The following NFS1 variants were observed in gnomAD, a reference collection of about 807,000 sequenced individuals.
NFS1 encodes cysteine desulfurase.
A neutral mutation model predicts 57.3 loss-of-function variants in NFS1; 26 were observed. The ratio of observed to expected loss-of-function variants is 0.45; its 90% confidence interval spans 0.33 to 0.63. NFS1 has a LOEUF of 0.63. Ranked by LOEUF, NFS1 falls within the 20% of genes least tolerant of loss-of-function variation. The pLI, the probability that NFS1 is intolerant of heterozygous loss-of-function variation, is 0.02. For missense variants in NFS1, 505 were observed against 605.8 expected (o/e 0.83, Z 1.75); for synonymous variants, 209 against 216.3 (o/e 0.97, Z 0.30).
intron 7 of NFS1, among the ~76,000 whole-genome samples, chr20:35,678,548 A>AAG (rs1270491821): frequency 6.8e-6 from 1 of 147,922 alleles, no homozygotes. Flanking sequence ...AAAAAAAAAA[A>AAG]TTAGCCAGGC....
intron 12 of NFS1, among the ~76,000 whole-genome samples, chr20:35,670,997 GA>G (rs2034643633): frequency 6.6e-6 from 1 of 152,286 alleles, no homozygotes; most frequent in African/African-American, 2.4e-5. Context: ...GCCAGGCTCT[GA>G]AAAAATCTAG....
In NFS1 at chr20:35,673,602, T is replaced by C; in HGVS notation, c.1219A>G (p.Arg407Gly). 1 of 1,613,158 alleles carries C rather than the reference T, an allele frequency of 6.2e-7. No individual in the cohort carries two copies. The highest frequency in any genetic ancestry group is 8.5e-7 in the Non-Finnish European group (1 of 1,179,224). The part of the protein sequence containing the change: ...TDEDLAHSSI[R>G]FGIGRFTTEE... Reference sequence around the variant, plus strand: ...AATGTTGCAGCTCAACTCACTGACCTGATAGAAGAGTGCGCTAAATCCTCA... The same window carrying C: ...AATGTTGCAGCTCAACTCACTGACCCGATAGAAGAGTGCGCTAAATCCTCA... Residue 407 changes from arginine to glycine, a missense_variant and splice_region_variant, in exon 11 of 13, where the codon AGG (arginine) becomes GGG (glycine). Physicochemically the swap from Arg to Gly is moderately radical, Grantham distance 125. Transcript: ENST00000374092.
chr20:35,673,546 A>C, intron 11 of NFS1, 55 bp downstream of exon 11: 1 of 1,445,904 alleles, frequency 6.9e-7, no homozygotes, highest in Non-Finnish European at 9.7e-7. Flanking sequence ...CTGTAACAGG[A>C]GATGAAAAAT....
rs138027059 is a variant in NFS1 at position 35,676,667 on chromosome 20, A to C, written c.791-1465T>G. On this transcript the variant is annotated intron_variant, in intron 7 of 12. Coordinates refer to ENST00000374092, the MANE Select transcript of NFS1 (RefSeq NM_021100.5). Reference sequence around the variant, plus strand: ...ATGCTATCATCTGGATAAAAAAGAAAGCTGGAGGAGAAGTATATATTTGTT... The same window carrying C: ...ATGCTATCATCTGGATAAAAAAGAACGCTGGAGGAGAAGTATATATTTGTT... Among the ~76,000 whole-genome samples, 1,381 of 151,064 alleles carry C rather than the reference A, an allele frequency of 9.1e-3. 25 individuals carry two copies. Among genetic ancestry groups the C allele is most frequent in the African/African-American group, 0.032 (1,323 of 41,196 alleles).
At position 35,698,795 on chromosome 20, in the gene NFS1, G is replaced by C. The variant is rs1207457810; in HGVS notation, c.98-205C>G. 4.3e-6 allele frequency: 6 copies of C among 1,388,902 alleles called. No individual in the cohort carries two copies. In the South Asian group the frequency reaches 5.0e-5, roughly 12 times the overall value. The allele number at this position is 1,388,902 out of a possible 1,614,324, so 86.0% of individuals were successfully genotyped here. The stretch of plus-strand genomic sequence containing the variant: ...GGAGAGGGAGAGAGGGTTCCTGGAG[G>C]GGGTGTTGAGTTGATATTCAAATGG... On this transcript the variant is annotated intron_variant, in intron 1 of 12. Transcript: ENST00000374092.
chr20:35,673,820 G>T, intron 10 of NFS1, 136 bp from the exon 11 acceptor site: 1 of 624,858 alleles, frequency 1.6e-6, no homozygotes. Flanking sequence ...TAATCTGGCA[G>T]AACTAAAGGA....
At chr20:35,690,385 T>C in intron 5 of NFS1, 28 bp downstream of exon 5, 1 of 1,602,584 alleles carries the variant, frequency 6.2e-7, no homozygotes. Flanking sequence ...CCTCCATTTT[T>C]GCTCCTCCTG....
At chr20:35,679,344 C>T (rs958196063) in intron 7 of NFS1, among the ~76,000 whole-genome samples, 4 of 152,022 alleles carry the variant, frequency 2.6e-5, no homozygotes, top group Admixed American at 6.6e-5. Context: ...CCACCACACC[C>T]GGCTAATTTT....
At chr20:35,674,218 G>C in intron 10 of NFS1, 132 bp downstream of exon 10, 4 of 761,164 alleles carry the variant, frequency 5.3e-6, no homozygotes, top group Non-Finnish European at 9.1e-6. Context: ...AAAAAGAGAG[G>C]CACTTACAAA....
chr20:35,687,508 A>G (rs1427323102), intron 5 of NFS1, among the ~76,000 whole-genome samples: 1 of 151,866 alleles, frequency 6.6e-6, no homozygotes, highest in Non-Finnish European at 1.5e-5. Context: ...CTTACCTATC[A>G]TTAGAGATGG....
At chr20:35,669,972 T>A (rs1288975987) in intron 12 of NFS1, among the ~76,000 whole-genome samples, 1 of 152,210 alleles carries the variant, frequency 6.6e-6, no homozygotes, top group East Asian at 1.9e-4. Context: ...AACATGGTCA[T>A]ATTCTTGAAG....
Position 35,680,766 on chromosome 20 carries a change from A to G in NFS1, c.761T>C (p.Ile254Thr), listed in dbSNP as rs2034834366. Residue 254 changes from isoleucine (I) to threonine (T), a missense_variant, in exon 7 of 13, where the codon ATT (isoleucine) becomes ACT (threonine). Transcript: ENST00000374092. The stretch of plus-strand genomic sequence containing the variant: ...GGGACCGTAGATTTTGTGACCACTA[A>G]TGCTCATGAGATCAATTTTCATGTC... ...VNDMKIDLMS[I>T]SGHKIYGPKG... 1.3e-6 allele frequency: 2 copies of G among 1,569,724 alleles called. No homozygotes were observed. The highest frequency in any genetic ancestry group is 4.9e-5 in the East Asian group (2 of 41,060).
At chr20:35,696,212 G>A (rs1186405663) in intron 4 of NFS1, among the ~76,000 whole-genome samples, 165 bp downstream of exon 4, 1 of 152,162 alleles carries the variant, frequency 6.6e-6, no homozygotes, top group African/African-American at 2.4e-5. Context: ...AGAGTAGACT[G>A]CAAAGGGTTA....
rs2034834300 is a variant in NFS1, at chr20:35,680,765, A to G, written c.762T>C (p.Ile254=). ...TGGGACCGTAGATTTTGTGACCACT[A>G]ATGCTCATGAGATCAATTTTCATGT... ...VNDMKIDLMS[I]SGHKIYGPKG... The change falls in exon 7 of 13, where the codon ATT becomes ATC. Residue 254 remains isoleucine, a synonymous_variant. Coordinates refer to ENST00000374092, the MANE Select transcript of NFS1 (RefSeq NM_021100.5). 3 of 1,567,032 alleles carry G rather than the reference A, an allele frequency of 1.9e-6. No individual in the cohort carries two copies. Among genetic ancestry groups the G allele is most frequent in the Non-Finnish European group, 2.6e-6 (3 of 1,158,072 alleles).
At chr20:35,689,826 T>G (rs2035011698) in intron 5 of NFS1, among the ~76,000 whole-genome samples, 1 of 146,036 alleles carries the variant, frequency 6.8e-6, no homozygotes, top group Non-Finnish European at 1.5e-5. Context: ...TAGTCCCAGC[T>G]ACTCAGGAGG....
At chr20:35,673,267 G>A (rs998409124) in intron 11 of NFS1, among the ~76,000 whole-genome samples, 5 of 150,652 alleles carry the variant, frequency 3.3e-5, no homozygotes, top group Non-Finnish European at 7.4e-5. Context: ...CAGCCTGGGC[G>A]ACAGAGTAAG....
chr20:35,688,486 A>T (rs940569686), intron 5 of NFS1, among the ~76,000 whole-genome samples: 2 of 149,418 alleles, frequency 1.3e-5, no homozygotes, highest in African/African-American at 5.0e-5. Context: ...GAACCCAGGA[A>T]GCAGTGGTTT....
chr20:35,669,793 C>T, intron 12 of NFS1, 108 bp from the exon 13 acceptor site: 1 of 1,007,176 alleles, frequency 9.9e-7, no homozygotes, highest in Non-Finnish European at 1.6e-6. Context: ...CCTGTCTGTC[C>T]TCTGCCTCTT....
chr20:35,693,840 T>C (rs1164457589), intron 4 of NFS1, among the ~76,000 whole-genome samples: 1 of 151,970 alleles, frequency 6.6e-6, no homozygotes, highest in African/African-American at 2.4e-5. Flanking sequence ...TGGGAGCCTG[T>C]AGTCCTACCT....
Sources: gnomAD v4.1 joint callset for allele counts (sites outside exome capture counted in the v4.1 genomes callset) on GRCh38, gnomAD v4.1.1 for gene constraint, MANE v1.5 for transcripts, NCBI Gene and HGNC (gene_info 2026-07-23, HGNC 2026-07-21) for gene names.